The following NSD1 variants were observed in gnomAD, a reference collection of about 807,000 sequenced individuals.
NSD1 encodes histone-lysine N-methyltransferase, H3 lysine-36 specific.
In NSD1, 26 loss-of-function variants were observed where a neutral mutation model predicts 242.7. That is an observed-to-expected ratio of 0.11 (90% CI 0.08 to 0.15). NSD1 has a LOEUF of 0.15. Ranked by LOEUF, NSD1 falls within the 10% of genes least tolerant of loss-of-function variation. The pLI is 1.00. For synonymous variants in NSD1, 1,106 were observed against 1,178.1 expected, an observed-to-expected ratio of 0.94 and a Z score of 1.25; for missense variants, 2,495 against 3,272.8, an observed-to-expected ratio of 0.76 and a Z score of 5.80.
intron 8 of NSD1, among the ~76,000 whole-genome samples, chr5:177,240,972 T>C (rs1272367957): frequency 6.6e-6 from 1 of 152,084 alleles, no homozygotes; most frequent in African/African-American, 2.4e-5. Context: ...TGAGCTATGA[T>C]TGCGCTATTG....
chr5:177,188,019 C>T (rs973108285), intron 2 of NSD1, among the ~76,000 whole-genome samples: 2 of 152,168 alleles, frequency 1.3e-5, no homozygotes, highest in Admixed American at 1.3e-4. Flanking sequence ...TCTGCCAGTC[C>T]TGCCAGTCTA....
intron 13 of NSD1, among the ~76,000 whole-genome samples, chr5:177,258,454 T>A (rs781174043): frequency 3.3e-5 from 5 of 152,162 alleles, no homozygotes; most frequent in Non-Finnish European, 7.3e-5. Context: ...TTTCCAAAAC[T>A]GTCTGTGCAT....
intron 2 of NSD1, among the ~76,000 whole-genome samples, chr5:177,171,366 C>T (rs1759697011): frequency 6.6e-6 from 1 of 152,022 alleles, no homozygotes; most frequent in Admixed American, 6.6e-5. Context: ...CTTAACTTCC[C>T]TGCCCCTAAG....
At chr5:177,265,225 A>G in intron 14 of NSD1, 1 of 772,932 alleles carries the variant, frequency 1.3e-6, no homozygotes, top group Non-Finnish European at 2.3e-6. Context: ...CCTATTCCCT[A>G]TGAATTCATG....
intron 2 of NSD1, among the ~76,000 whole-genome samples, chr5:177,162,223 G>A (rs772601233): frequency 6.6e-6 from 1 of 151,804 alleles, no homozygotes; most frequent in African/African-American, 2.4e-5. Context: ...GCTTCAACCC[G>A]GGAGGTGGAG....
At chr5:177,261,437 C>T (rs986851711) in intron 14 of NSD1, among the ~76,000 whole-genome samples, 11 of 151,824 alleles carry the variant, frequency 7.2e-5, no homozygotes, top group African/African-American at 2.7e-4. Flanking sequence ...TAACCTTTTA[C>T]GTATTTTCTT....
chr5:177,292,933 G>T (rs1274285914), intron 22 of NSD1, among the ~76,000 whole-genome samples: 1 of 152,214 alleles, frequency 6.6e-6, no homozygotes, highest in Admixed American at 6.5e-5. Flanking sequence ...AAGAGTTGCA[G>T]AACGTTAAGA....
At chr5:177,243,939 C>T (rs573258505) in intron 8 of NSD1, among the ~76,000 whole-genome samples, 2 of 152,052 alleles carry the variant, frequency 1.3e-5, no homozygotes, top group African/African-American at 4.8e-5. Flanking sequence ...GTGATCCACC[C>T]GCCTCAGCCT....
In NSD1 at chr5:177,278,846, C is replaced by G. The variant is rs1758609506; in HGVS notation, c.5623-1719C>G. Among the ~76,000 whole-genome samples, 4 of 152,166 alleles carry G rather than the reference C, an allele frequency of 2.6e-5. No homozygotes were observed. In the South Asian group the frequency reaches 8.3e-4, roughly 31 times the overall value. On this transcript the variant is annotated intron_variant, in intron 17 of 22. Transcript: ENST00000439151. ...AAATAATATGAAATGAGGGGAGATA[C>G]ATTCTCATGCACAAATCCATTATTG...
At position 177,191,958 on chromosome 5, in the gene NSD1, C is replaced by T; in HGVS notation, c.1002C>T (p.Arg334=). ...GDLIWAKFKR[R]PWWPCRICSD... ...TCATCTGGGCAAAATTCAAGAGACG[C>T]CCATGGTGGCCCTGCAGGATTTGTT... The change falls in exon 3 of 23, where the codon CGC becomes CGT. Residue 334 remains arginine, a synonymous_variant. Coordinates refer to ENST00000439151, the MANE Select transcript of NSD1 (RefSeq NM_022455.5). 6.2e-7 allele frequency: 1 copy of T among 1,614,130 alleles called. No homozygotes were observed. The highest frequency in any genetic ancestry group is 8.5e-7 in the Non-Finnish European group (1 of 1,179,998).
intron 7 of NSD1, among the ~76,000 whole-genome samples, chr5:177,239,291 ACT>A (rs1156907320): frequency 2.0e-5 from 3 of 152,046 alleles, no homozygotes; most frequent in Non-Finnish European, 4.4e-5. Context: ...ATGTGCCAAA[ACT>A]CTATTAAGTC....
intron 22 of NSD1, 108 bp from the exon 23 acceptor site, chr5:177,293,724 A>G (rs1042772629): frequency 5.9e-6 from 7 of 1,190,158 alleles, no homozygotes; most frequent in African/African-American, 4.5e-5. Context: ...AAGCAGGGAC[A>G]GTGTGAAGGA....
At chr5:177,243,973 G>C (rs1020363984) in intron 8 of NSD1, among the ~76,000 whole-genome samples, 2 of 152,150 alleles carry the variant, frequency 1.3e-5, no homozygotes, top group African/African-American at 2.4e-5. Flanking sequence ...GATTACAGGT[G>C]TGAGCCATCA....
At position 177,288,815 on chromosome 5, in the gene NSD1, G is replaced by A. The variant is rs1234760087; in HGVS notation, c.6152-4G>A. The A allele has an allele frequency of 3.7e-6, 6 of 1,601,020 alleles. No individual in the cohort carries two copies. The African/African-American group carries it at 6.7e-5, about 18-fold the overall frequency. ...TATTAATATTTTCACGGTCTCTTAT[G>A]CAGGCACTGAACTTACCTTCAACTA... is the stretch of plus-strand genomic sequence containing the variant. On this transcript the variant is annotated splice_polypyrimidine_tract_variant and splice_region_variant and intron_variant, in intron 20 of 22. Transcript: ENST00000439151.
At chr5:177,137,424 A>G (rs1383558091) in intron 2 of NSD1, 1 of 152,232 alleles carries the variant, frequency 6.6e-6, no homozygotes, top group Non-Finnish European at 1.5e-5. Context: ...TGTTCTTTAA[A>G]GTTACAGAGG....
intron 2 of NSD1, among the ~76,000 whole-genome samples, chr5:177,159,343 G>A (rs1030748056): frequency 4.0e-5 from 6 of 151,350 alleles, no homozygotes; most frequent in Admixed American, 2.6e-4. Flanking sequence ...GGAGTGCGGT[G>A]GCAGTATCTT....
At chr5:177,144,926 C>CA (rs1195632917) in intron 2 of NSD1, among the ~76,000 whole-genome samples, 163 of 150,338 alleles carry the variant, frequency 1.1e-3, no homozygotes, top group African/African-American at 3.7e-3. Flanking sequence ...ACTGAAAATA[C>CA]AAAAAAAAAT....
At chr5:177,259,348 G>A (rs1370873511) in intron 13 of NSD1, among the ~76,000 whole-genome samples, 6 of 152,168 alleles carry the variant, frequency 3.9e-5, no homozygotes, top group African/African-American at 1.4e-4. Context: ...GTGTGATGGT[G>A]TACACCTGTA....
intron 2 of NSD1, among the ~76,000 whole-genome samples, chr5:177,172,090 G>A (rs1484011891): frequency 6.6e-6 from 1 of 152,174 alleles, no homozygotes; most frequent in African/African-American, 2.4e-5. Context: ...ATAATTGCTT[G>A]TGATAGTTTT....
Sources: allele counts gnomAD v4.1 joint callset (sites outside exome capture counted in the v4.1 genomes callset), GRCh38; gene constraint gnomAD v4.1.1; transcripts MANE v1.5; gene names NCBI Gene and HGNC (gene_info 2026-07-23, HGNC 2026-07-21).